Variants in EML2 observed in about 807,000 individuals in gnomAD.
EML2 encodes EMAP like 2, also known as echinoderm microtubule-associated protein-like 2.
Under a neutral mutation model 84.7 loss-of-function variants are expected in EML2, and 59 were observed. The observed-to-expected ratio is 0.70, with a 90% CI of 0.56 to 0.86. The LOEUF (loss-of-function observed/expected upper bound fraction) is 0.86. Among genes scored for constraint, EML2 ranks in the 40% least tolerant of loss-of-function variants. EML2 has a pLI of 0.00. For synonymous variants in EML2, 352 were observed against 348.9 expected (o/e 1.01, Z -0.10); for missense variants, 818 against 855.6 (o/e 0.96, Z 0.55).
At position 45,627,423 on chromosome 19, in the gene EML2, T is replaced by G. The variant is rs1972498719; in HGVS notation, c.607-584A>C. 4.6e-5 allele frequency among the ~76,000 whole-genome samples: 7 copies of G among 151,770 alleles called. No individual in the cohort carries two copies. The South Asian group carries it at 1.2e-3, about 27-fold the overall frequency. On this transcript the variant is annotated intron_variant, in intron 7 of 18. Coordinates refer to ENST00000245925, the MANE Select transcript of EML2 (RefSeq NM_012155.4). ...GGACGTGCCACCACACCTGGCTAAT[T>G]TTTGTATTTTTAGTAGAGATAGGGT...
chr19:45,616,787 G>A lies in EML2; in HGVS notation c.1389C>T (p.Ile463=). 6.2e-7 allele frequency: 1 copy of A among 1,613,346 alleles called. No homozygotes were observed. The highest frequency in any genetic ancestry group is 1.1e-5 in the South Asian group (1 of 91,048). Residue 463 remains isoleucine (I), a synonymous_variant, in exon 14 of 19, where the codon ATC becomes ATT. Coordinates refer to ENST00000245925, the MANE Select transcript of EML2 (RefSeq NM_012155.4). ...VAIHTDGNEQ[I]SVVSFSPDGA... is the part of the protein sequence containing the mutation. Reference sequence around the variant, plus strand: ...TACCTGGGGAGAAGCTGACCACTGAGATCTGTTCATTGCCGTCTGTGTGGA... The same window carrying A: ...TACCTGGGGAGAAGCTGACCACTGAAATCTGTTCATTGCCGTCTGTGTGGA...
chr19:45,641,744 C>T (rs1471545595), upstream of EML2: 5 of 1,536,056 alleles, frequency 3.3e-6, no homozygotes, highest in Admixed American at 9.8e-5. Context: ...TAGCGGCGGA[C>T]ACTGCTAAAA....
At chr19:45,633,290 G>A in intron 4 of EML2, 151 bp from the exon 5 acceptor site, 3 of 763,758 alleles carry the variant, frequency 3.9e-6, no homozygotes, top group South Asian at 3.3e-5. Context: ...TGCCCTCCGG[G>A]TGCGCTGGCG....
intron 11 of EML2, 151 bp from the exon 12 acceptor site, chr19:45,619,342 G>A (rs1971441204): frequency 5.0e-6 from 5 of 998,716 alleles, no homozygotes; most frequent in Non-Finnish European, 5.6e-6. Context: ...TCTGAAGGGG[G>A]CCTCAATTGG....
Position 45,624,766 on chromosome 19 carries a change from T to C in EML2, c.794A>G (p.Asp265Gly). 1 of 1,613,896 alleles carries C rather than the reference T, an allele frequency of 6.2e-7. No homozygotes were observed. Among genetic ancestry groups the C allele is most frequent in the Non-Finnish European group, 8.5e-7 (1 of 1,179,940 alleles). The stretch of plus-strand genomic sequence containing the variant: ...CCCCCCAGAGTCCCCCGTGACCACG[T>C]CGCCACCTTCCAAAAAGGTCACACA... ...VLCVTFLEGG[D>G]VVTGDSGGNL... Residue 265 changes from aspartate (D) to glycine (G), a missense_variant, in exon 9 of 19, where the codon GAC (aspartate) becomes GGC (glycine). Transcript: ENST00000245925.
chr19:45,628,382 A>T (rs1972621385), intron 7 of EML2, among the ~76,000 whole-genome samples: 1 of 151,676 alleles, frequency 6.6e-6, no homozygotes, highest in South Asian at 2.1e-4. Flanking sequence ...AGAAAAAAAA[A>T]AAGTGAGGCT....
Position 45,616,489 on chromosome 19 carries a change from C to A in EML2, c.1481G>T (p.Arg494Leu). ...VYVYTVDQGG[R>L]KVSRLGKCSG... is the part of the protein sequence containing the mutation. ...GCACTTGCCCAGGCGGCTGACCTTGCGGCCGCCCTGGTCCACCGTGTACAC... is the reference window on the plus strand; with the variant it reads ...GCACTTGCCCAGGCGGCTGACCTTGAGGCCGCCCTGGTCCACCGTGTACAC... Residue 494 changes from arginine to leucine, a missense_variant, in exon 15 of 19, where the codon CGC becomes CTC. Transcript: ENST00000245925. The A allele has an allele frequency of 6.3e-7, 1 of 1,594,522 alleles. No homozygotes were observed. Among genetic ancestry groups the A allele is most frequent in the Middle Eastern group, 1.7e-4 (1 of 6,012 alleles).
upstream of EML2, chr19:45,642,240 C>A: frequency 2.0e-6 from 3 of 1,535,902 alleles, no homozygotes; most frequent in Non-Finnish European, 2.6e-6. Context: ...GCAGAGCATC[C>A]GCCAGCGCCG....
upstream of EML2, chr19:45,642,218 C>G (rs1215976081): frequency 6.5e-7 from 1 of 1,535,282 alleles, no homozygotes; most frequent in Non-Finnish European, 8.7e-7. Context: ...TCTTCGCATG[C>G]CCGCAGGCGA....
chr19:45,616,177 G>A (rs1429372463), intron 15 of EML2: 3 of 564,060 alleles, frequency 5.3e-6, no homozygotes, highest in Non-Finnish European at 9.5e-6. Flanking sequence ...AATGTTGAGG[G>A]GCGGGGCTAC....
rs879547556 is a variant in EML2, at chr19:45,629,809, C to T, written c.606+142G>A. The T allele has an allele frequency of 7.6e-5, 50 of 655,988 alleles. 2 individuals carry two copies. The highest frequency in any genetic ancestry group is 1.8e-4 in the South Asian group (11 of 60,072). The allele number at this position is 655,988 out of a possible 1,614,324, so 40.6% of individuals were successfully genotyped here. A position where few individuals can be genotyped will look rare whatever the true frequency, so the allele number is the denominator to read the frequency against. On this transcript the variant is annotated intron_variant, in intron 7 of 18. Transcript: ENST00000245925. Reference sequence around the variant, plus strand: ...ACCACCAAGGCTCTGAGGTGGCAAGCGGCTTGCTCAAGTCACACAGCCAGC... The same window carrying T: ...ACCACCAAGGCTCTGAGGTGGCAAGTGGCTTGCTCAAGTCACACAGCCAGC...
In EML2 at chr19:45,627,035, C is replaced by T. The variant is rs1027021055; in HGVS notation, c.607-196G>A. Among the ~76,000 whole-genome samples the T allele has an allele frequency of 4.6e-5, 7 of 151,102 alleles. 1 individual carries two copies. In the South Asian group the frequency reaches 1.3e-3, roughly 27 times the overall value. On this transcript the variant is annotated intron_variant, in intron 7 of 18. Transcript: ENST00000245925. ...AGTGCAGTGGTGCAATCTCTGCTCA[C>T]TGCAACCTCCGCCTCCTGGGTTCAA... is the stretch of plus-strand genomic sequence containing the variant.
chr19:45,626,687 C>G lies in EML2; in HGVS notation c.741+18G>C. On this transcript the variant is annotated intron_variant, in intron 8 of 18. Coordinates refer to ENST00000245925, the MANE Select transcript of EML2 (RefSeq NM_012155.4). ...CCTCTCTCAGGGCCAGCCTGTCCCC[C>G]AAACCCCTGGCACTCACCTCAAAGA... 6 of 1,602,760 alleles carry G rather than the reference C, an allele frequency of 3.7e-6. No homozygotes were observed. Among genetic ancestry groups the G allele is most frequent in the Non-Finnish European group, 5.1e-6 (6 of 1,171,486 alleles).
upstream of EML2, chr19:45,645,519 A>G (rs1345429785): frequency 7.6e-7 from 1 of 1,309,996 alleles, no homozygotes; most frequent in African/African-American, 1.6e-5. Flanking sequence ...GATGCCCAGA[A>G]AGGGGGGTCG....
chr19:45,633,777 C>G (rs1486072921), intron 4 of EML2, among the ~76,000 whole-genome samples: 7 of 152,222 alleles, frequency 4.6e-5, no homozygotes, highest in African/African-American at 1.7e-4. Context: ...TGGAGTCTCG[C>G]TCTGTCCCCC....
intron 18 of EML2, among the ~76,000 whole-genome samples, chr19:45,612,123 G>A (rs1362046144): frequency 6.6e-6 from 1 of 151,772 alleles, no homozygotes; most frequent in African/African-American, 2.4e-5. Flanking sequence ...GGAGTGCAGT[G>A]GCGTGATCTT....
At chr19:45,633,735 C>T (rs1263496626) in intron 4 of EML2, among the ~76,000 whole-genome samples, 1 of 151,528 alleles carries the variant, frequency 6.6e-6, no homozygotes, top group African/African-American at 2.4e-5. Flanking sequence ...GAGACTAGTT[C>T]TCAAAAAAAG....
chr19:45,632,844 G>A lies in EML2; in HGVS notation c.510+17C>T. 7 of 1,608,196 alleles carry A rather than the reference G, an allele frequency of 4.4e-6. No homozygotes were observed. The highest frequency in any genetic ancestry group is 5.1e-6 in the Non-Finnish European group (6 of 1,175,696). On this transcript the variant is annotated intron_variant, in intron 6 of 18. Transcript: ENST00000245925. ...TTCGGGGCGAAGGGGCGGGGTTAGG[G>A]TGGGCGAAGGACTTACAGATTTGGA...
At chr19:45,638,906 C>A (rs1349846466) in intron 1 of EML2, 33 bp from the exon 2 acceptor site, 1 of 1,613,430 alleles carries the variant, frequency 6.2e-7, no homozygotes, top group South Asian at 1.1e-5. Context: ...AAAAAAGGGT[C>A]TTAGTATTCA....
Sources: gnomAD v4.1 joint callset for allele counts (sites outside exome capture counted in the v4.1 genomes callset) on GRCh38, gnomAD v4.1.1 for gene constraint, MANE v1.5 for transcripts, NCBI Gene and HGNC (gene_info 2026-07-23, HGNC 2026-07-21) for gene names.